RBM38: variants seen among roughly 807,000 people sequenced by gnomAD.
The protein encoded by RBM38 is RNA-binding protein 38.
RBM38 carries 11 observed loss-of-function variants against 23.5 expected under a neutral mutation model. That is an observed-to-expected ratio of 0.47 (90% confidence interval 0.29 to 0.77). RBM38 has a LOEUF of 0.77. Ranked by LOEUF, RBM38 falls within the 30% of genes least tolerant of loss-of-function variation. The pLI is 0.08. For missense variants in RBM38, 330 were observed against 351.9 expected (o/e 0.94, Z 0.50); for synonymous variants, 165 against 166.1 (o/e 0.99, Z 0.05).
intron 1 of RBM38, among the ~76,000 whole-genome samples, chr20:57,392,065 C>T (rs1448836891): frequency 3.0e-4 from 42 of 140,882 alleles, no homozygotes; most frequent in Non-Finnish European, 5.7e-4. Context: ...AAGGAAGAGC[C>T]GCTGTGTTCA....
intron 3 of RBM38, chr20:57,399,846 G>A (rs564380277): frequency 4.0e-4 from 183 of 455,942 alleles, no homozygotes; most frequent in African/African-American, 2.9e-3. Context: ...GCTGCGGTCC[G>A]TCTCTGCCGA....
In RBM38 at chr20:57,408,057, G is replaced by A. The variant is rs1348002247; in HGVS notation, c.*211G>A. ...CTAGGTCCCATTGTGTCTTGAGGGA[G>A]GACTTTAAGAATGACTGAGAACTAT... On this transcript the variant is annotated 3_prime_UTR_variant, in exon 4 of 4. Coordinates refer to ENST00000356208, the MANE Select transcript of RBM38 (RefSeq NM_017495.6). 5 of 627,930 alleles carry A rather than the reference G, an allele frequency of 8.0e-6. No individual in the cohort carries two copies. The highest frequency in any genetic ancestry group is 7.9e-5 in the South Asian group (4 of 50,822). 38.9% of individuals were successfully genotyped at this position (627,930 alleles called of 1,614,324 possible).
chr20:57,392,391 C>T (rs1184624749), intron 1 of RBM38: 1 of 1,509,910 alleles, frequency 6.6e-7, no homozygotes, highest in Non-Finnish European at 8.8e-7. Flanking sequence ...TGCCCTATCC[C>T]CGCAGGGGAT....
chr20:57,407,559 A>C lies in RBM38; in HGVS notation c.433A>C (p.Ile145Leu). Reference sequence around the variant, plus strand: ...GCCCCACAGGCTGACCCCGCACTACATCTACCCACCAGCCATCGTGCAGCC... The same window carrying C: ...GCCCCACAGGCTGACCCCGCACTACCTCTACCCACCAGCCATCGTGCAGCC... ...QRTYGLTPHY[I>L]YPPAIVQPSV... Residue 145 changes from isoleucine (I) to leucine (L), a missense_variant, in exon 4 of 4, where the codon ATC (isoleucine) becomes CTC (leucine). By Grantham distance (5) the Ile-to-Leu change is conservative. Around this residue, in one of 3 missense-constraint regions of RBM38, gnomAD observed 227 missense variants for 216.4 expected, o/e 1.05. Transcript: ENST00000356208. This position sits in a 1 kb window ranked among gnomAD's most constrained non-coding sequence, Gnocchi z 4.0. The C allele has an allele frequency of 6.2e-7, 1 of 1,613,654 alleles. No homozygotes were observed.
Position 57,391,638 on chromosome 20 carries a change from C to A in RBM38, c.57C>A (p.Ala19=). 2.7e-6 allele frequency: 4 copies of A among 1,462,434 alleles called. No individual in the cohort carries two copies. Among genetic ancestry groups the A allele is most frequent in the Non-Finnish European group, 3.6e-6 (4 of 1,099,312 alleles). The allele number at this position is 1,462,434 out of a possible 1,614,324, so 90.6% of individuals were successfully genotyped here. The change falls in exon 1 of 4, where the codon GCC becomes GCA. Residue 19 remains alanine, a synonymous_variant. Coordinates refer to ENST00000356208, the MANE Select transcript of RBM38 (RefSeq NM_017495.6). ...APSAGFPRPL[A]APGAMHGSQK... ...GCGCGGGCTTCCCGCGGCCCCTGGCCGCCCCCGGCGCCATGCACGGCTCGC... is the reference window on the plus strand; with the variant it reads ...GCGCGGGCTTCCCGCGGCCCCTGGCAGCCCCCGGCGCCATGCACGGCTCGC...
chr20:57,392,891 A>G, intron 2 of RBM38, 114 bp downstream of exon 2: 1 of 1,410,274 alleles, frequency 7.1e-7, no homozygotes, highest in South Asian at 1.3e-5. Context: ...GTCGGCTATC[A>G]TGTGCCTGCA....
chr20:57,407,734 T>C lies in RBM38; in HGVS notation c.608T>C (p.Val203Ala), dbSNP rs1448751373. ...TCGCCTGCCACGGCTGCCAGCTTCGTGGGCTACAGCTACCCTGCCGCCGTG... is the reference window on the plus strand; with the variant it reads ...TCGCCTGCCACGGCTGCCAGCTTCGCGGGCTACAGCTACCCTGCCGCCGTG... ...AASPATAASF[V>A]GYSYPAAVPQ... The change falls in exon 4 of 4, where the codon GTG (valine) becomes GCG (alanine). Residue 203 changes from valine to alanine, a missense_variant. Val to Ala is a moderately conservative substitution (Grantham distance 64, BLOSUM62 0). Coordinates refer to ENST00000356208, the MANE Select transcript of RBM38 (RefSeq NM_017495.6). This position sits in a 1 kb window ranked among gnomAD's most constrained non-coding sequence, Gnocchi z 4.0. The C allele has an allele frequency of 1.2e-6, 2 of 1,611,644 alleles. No homozygotes were observed. The highest frequency in any genetic ancestry group is 1.7e-6 in the Non-Finnish European group (2 of 1,179,630).
Position 57,395,314 on chromosome 20 carries a change from G to T in RBM38, c.416+1981G>T, listed in dbSNP as rs141647781. ...GAACACAGGTGGTGGGTGCCTGAAC[G>T]CATGCTTTCTTGGTGGGGGACGGTG... On this transcript the variant is annotated intron_variant, in intron 3 of 3. Transcript: ENST00000356208. Among the ~76,000 whole-genome samples the T allele has an allele frequency of 9.0e-4, 137 of 152,216 alleles. 4 individuals carry two copies. The East Asian group carries it at 0.025, about 27-fold the overall frequency.
At chr20:57,399,435 C>T (rs1307859438) in intron 3 of RBM38, among the ~76,000 whole-genome samples, 1 of 152,158 alleles carries the variant, frequency 6.6e-6, no homozygotes, top group Non-Finnish European at 1.5e-5. Context: ...TGGTGAGATA[C>T]AGTGAGATTC....
intron 1 of RBM38, chr20:57,392,123 C>G (rs1303654861): frequency 1.8e-5 from 4 of 222,090 alleles, no homozygotes; most frequent in Non-Finnish European, 3.7e-5. Flanking sequence ...AGAGGGCACT[C>G]GGGATTTCCT....
In RBM38 at chr20:57,407,534, G is replaced by T; in HGVS notation, c.417-9G>T. ...TTCTGGCCCTAACCTGCTCTGCTTG[G>T]CCCCACAGGCTGACCCCGCACTACA... On this transcript the variant is annotated splice_polypyrimidine_tract_variant and intron_variant, in intron 3 of 3. Transcript: ENST00000356208. This position sits in a 1 kb window ranked among gnomAD's most constrained non-coding sequence, Gnocchi z 4.0. The T allele has an allele frequency of 6.2e-7, 1 of 1,612,260 alleles. No individual in the cohort carries two copies. The highest frequency in any genetic ancestry group is 8.5e-7 in the Non-Finnish European group (1 of 1,178,794).
At chr20:57,398,732 C>T (rs1454793222) in intron 3 of RBM38, among the ~76,000 whole-genome samples, 1 of 152,352 alleles carries the variant, frequency 6.6e-6, no homozygotes, top group South Asian at 2.1e-4. Flanking sequence ...TGGCTCGCTG[C>T]TGGGCTTGGG....
chr20:57,400,331 C>G (rs144492289), intron 3 of RBM38, among the ~76,000 whole-genome samples: 2 of 152,100 alleles, frequency 1.3e-5, no homozygotes, highest in East Asian at 3.9e-4. Flanking sequence ...CACGTGTGAA[C>G]GGGAAGGGAG....
intron 3 of RBM38, among the ~76,000 whole-genome samples, chr20:57,403,374 C>G (rs2067348881): frequency 6.6e-6 from 1 of 152,206 alleles, no homozygotes; most frequent in Non-Finnish European, 1.5e-5. Flanking sequence ...CCTGGCGGGG[C>G]TTCGTGGCTG....
chr20:57,392,384 C>A, intron 1 of RBM38: 1 of 1,500,354 alleles, frequency 6.7e-7, no homozygotes, highest in Non-Finnish European at 8.9e-7. Flanking sequence ...TCATTTTTGC[C>A]CTATCCCCGC....
At chr20:57,391,868 G>A (rs1325246443) in intron 1 of RBM38, 50 bp downstream of exon 1, 27 of 1,344,388 alleles carry the variant, frequency 2.0e-5, no homozygotes, top group Non-Finnish European at 2.5e-5. Flanking sequence ...ACCTTATCGC[G>A]GCCCGGGCGC....
At chr20:57,393,765 A>T (rs1312016246) in intron 3 of RBM38, among the ~76,000 whole-genome samples, 1 of 152,198 alleles carries the variant, frequency 6.6e-6, no homozygotes, top group Non-Finnish European at 1.5e-5. Context: ...GTGCTGGGGC[A>T]GGTGGTGGCA....
intron 3 of RBM38, among the ~76,000 whole-genome samples, chr20:57,402,135 T>C (rs2426718): frequency 0.89 from 135,649 of 152,102 alleles, 60,810 homozygotes; most frequent in East Asian, 0.97. Context: ...TTAGTAGAGA[T>C]GGGGTTTCAC....
Position 57,391,829 on chromosome 20 carries a change from C to T in RBM38, c.237+11C>T, listed in dbSNP as rs774709741. 5.2e-6 allele frequency: 8 copies of T among 1,532,836 alleles called. No homozygotes were observed. The highest frequency in any genetic ancestry group is 4.8e-5 in the South Asian group (4 of 83,748). 95.0% of individuals were successfully genotyped at this position (1,532,836 alleles called of 1,614,324 possible). A position where few individuals can be genotyped will look rare whatever the true frequency, so the allele number is the denominator to read the frequency against. On this transcript the variant is annotated intron_variant, in intron 1 of 3. Coordinates refer to ENST00000356208, the MANE Select transcript of RBM38 (RefSeq NM_017495.6). ...CGCGGCTACGGCTTCGTAAGTGGCC[C>T]CCGCGCCCGGGCCCGCACCCCGCCG...
Sources: gnomAD v4.1 joint callset for allele counts (sites outside exome capture counted in the v4.1 genomes callset) on GRCh38, gnomAD v4.1.1 for gene constraint, gnomAD v4.1.1 regional missense constraint, Gnocchi (gnomAD v3.1) non-coding constraint, MANE v1.5 for transcripts, NCBI Gene and HGNC (gene_info 2026-07-23, HGNC 2026-07-21) for gene names.